Variants in PTPRT observed in about 807,000 individuals in gnomAD.
PTPRT encodes the protein receptor-type tyrosine-protein phosphatase T.
A neutral mutation model predicts 176.8 loss-of-function variants in PTPRT; 56 were observed. That is an observed-to-expected ratio of 0.32 (90% CI 0.26 to 0.40). The LOEUF (loss-of-function observed/expected upper bound fraction) is 0.40, where lower values mean the gene tolerates loss of function less well. Ranked by LOEUF, PTPRT falls within the 10% of genes least tolerant of loss-of-function variation. The pLI is 1.00. For missense variants in PTPRT, 1,540 were observed against 1,908.2 expected, an observed-to-expected ratio of 0.81 and a Z score of 3.60; for synonymous variants, 783 against 739.0, an observed-to-expected ratio of 1.06 and a Z score of -0.96.
chr20:43,026,219 G>A (rs1284339711), intron 1 of PTPRT, among the ~76,000 whole-genome samples: 2 of 152,128 alleles, frequency 1.3e-5, no homozygotes, highest in Non-Finnish European at 2.9e-5. Context: ...CCAGATTCAA[G>A]CAATTCTCCT....
intron 1 of PTPRT, among the ~76,000 whole-genome samples, chr20:42,950,161 C>T (rs897934310): frequency 2.0e-5 from 3 of 152,172 alleles, no homozygotes; most frequent in Admixed American, 2.0e-4. Context: ...AGAAGAAAGC[C>T]CCCTCCTCAG....
At chr20:42,943,072 C>G (rs1980668659) in intron 1 of PTPRT, among the ~76,000 whole-genome samples, 1 of 152,184 alleles carries the variant, frequency 6.6e-6, no homozygotes, top group Non-Finnish European at 1.5e-5. Flanking sequence ...TTTCACTCAT[C>G]CATTTATTTA....
intron 2 of PTPRT, among the ~76,000 whole-genome samples, chr20:42,877,101 T>G (rs2078945397): frequency 6.6e-6 from 1 of 151,866 alleles, no homozygotes; most frequent in Non-Finnish European, 1.5e-5. Flanking sequence ...TCTGGAATAT[T>G]GAGAAGCTCA....
chr20:42,644,770 C>G (rs1353098133), intron 7 of PTPRT, among the ~76,000 whole-genome samples: 1 of 152,112 alleles, frequency 6.6e-6, no homozygotes. Flanking sequence ...AGGTAAAGAC[C>G]TGGGATAATG....
chr20:42,675,438 C>T (rs1319661146), intron 7 of PTPRT, among the ~76,000 whole-genome samples: 1 of 152,240 alleles, frequency 6.6e-6, no homozygotes, highest in African/African-American at 2.4e-5. Flanking sequence ...TAATGTTGTG[C>T]ATGAACCAAG....
intron 7 of PTPRT, among the ~76,000 whole-genome samples, chr20:42,565,984 C>G (rs551865561): frequency 6.6e-6 from 1 of 152,236 alleles, no homozygotes; most frequent in African/African-American, 2.4e-5. Flanking sequence ...TTCCATCACA[C>G]AGGGCTGTAG....
chr20:42,465,092 A>C (rs914431756), intron 8 of PTPRT, among the ~76,000 whole-genome samples: 1 of 151,850 alleles, frequency 6.6e-6, no homozygotes, highest in Non-Finnish European at 1.5e-5. Flanking sequence ...AATCAATTAC[A>C]TTATATGTAA....
intron 11 of PTPRT, among the ~76,000 whole-genome samples, chr20:42,328,676 C>A (rs2057919826): frequency 6.6e-6 from 1 of 152,084 alleles, no homozygotes; most frequent in Admixed American, 6.5e-5. Flanking sequence ...ATACCTATTT[C>A]AAATCTACAA....
chr20:43,068,832 T>C (rs2011146449), intron 1 of PTPRT, among the ~76,000 whole-genome samples: 1 of 151,908 alleles, frequency 6.6e-6, no homozygotes, highest in South Asian at 2.1e-4. Flanking sequence ...AAGATAGCCA[T>C]GGAAAGGGTA....
chr20:42,434,841 T>C (rs1303390373), intron 9 of PTPRT, among the ~76,000 whole-genome samples: 1 of 151,532 alleles, frequency 6.6e-6, no homozygotes, highest in Non-Finnish European at 1.5e-5. Flanking sequence ...GGCATGTGCA[T>C]GTAATTCCAG....
chr20:42,931,667 TCACTAATACATG>T (rs1200709705), intron 1 of PTPRT, among the ~76,000 whole-genome samples: 1 of 152,146 alleles, frequency 6.6e-6, no homozygotes, highest in Non-Finnish European at 1.5e-5. Flanking sequence ...GAGCATACCA[TCACTAATACATG>T]CCGCTGCAAG....
intron 7 of PTPRT, among the ~76,000 whole-genome samples, chr20:42,482,201 G>A (rs2071400191): frequency 6.6e-6 from 1 of 152,122 alleles, no homozygotes; most frequent in Non-Finnish European, 1.5e-5. Context: ...AGATAAAGGA[G>A]GCAGCACATT....
At chr20:42,210,156 T>A (rs1372726674) in intron 15 of PTPRT, among the ~76,000 whole-genome samples, 2 of 152,208 alleles carry the variant, frequency 1.3e-5, no homozygotes, top group South Asian at 4.1e-4. Flanking sequence ...TTCAAAATAA[T>A]AAGAGCTATC....
rs76103310 is a variant in PTPRT at position 42,627,140 on chromosome 20, C to T, written c.1153+50726G>A. On this transcript the variant is annotated intron_variant, in intron 7 of 30. Coordinates refer to ENST00000373187, the MANE Select transcript of PTPRT (RefSeq NM_007050.6). ...AAGTGTGAGTTTCAGATTTTTGGTA[C>T]GATTTTATTTTCTTCATGCTTAAAG... is the stretch of plus-strand genomic sequence containing the variant. Among the ~76,000 whole-genome samples the T allele has an allele frequency of 6.8e-4, 104 of 151,938 alleles. No homozygotes were observed. The East Asian group carries it at 0.017, about 25-fold the overall frequency.
At chr20:42,801,162 T>C (rs1191431566) in intron 2 of PTPRT, among the ~76,000 whole-genome samples, 1 of 152,196 alleles carries the variant, frequency 6.6e-6, no homozygotes, top group East Asian at 1.9e-4. Flanking sequence ...GAGTGACTTA[T>C]TACCGTGTGT....
Position 43,189,841 on chromosome 20 carries a change from G to C in PTPRT, c.-108C>G, listed in dbSNP as rs1247081476. On this transcript the variant is annotated 5_prime_UTR_variant, in exon 1 of 31. Transcript: ENST00000373187. The surrounding 1 kb of genome is among the most constrained non-coding windows in gnomAD (Gnocchi z 5.0). The stretch of plus-strand genomic sequence containing the variant: ...CGGCGCGGCCGCTGGCTGTGCGCGC[G>C]GCTGGCTCCGCTCGGGCTCCCGGAG... The C allele has an allele frequency of 4.3e-6, 2 of 465,938 alleles. No homozygotes were observed. The highest frequency in any genetic ancestry group is 6.5e-5 in the Admixed American group (1 of 15,470). The allele number at this position is 465,938 out of a possible 1,614,324, so 28.9% of individuals were successfully genotyped here. A position where few individuals can be genotyped will look rare whatever the true frequency, so the allele number is the denominator to read the frequency against.
At chr20:42,864,797 A>G (rs1358783345) in intron 2 of PTPRT, among the ~76,000 whole-genome samples, 2 of 152,236 alleles carry the variant, frequency 1.3e-5, no homozygotes, top group African/African-American at 4.8e-5. Flanking sequence ...AATTCAGGCA[A>G]TAACCTTTCT....
Position 42,127,874 on chromosome 20 carries a change from A to C in PTPRT, c.2847+880T>G, listed in dbSNP as rs116861234. ...TTGGTTGTAGTTGTCTTAATTCCAGAATTTCTTCCCTCGGATCTGTCTTAT... is the reference window on the plus strand; with the variant it reads ...TTGGTTGTAGTTGTCTTAATTCCAGCATTTCTTCCCTCGGATCTGTCTTAT... On this transcript the variant is annotated intron_variant, in intron 19 of 30. Transcript: ENST00000373187. Among the ~76,000 whole-genome samples the C allele has an allele frequency of 4.7e-3, 713 of 152,324 alleles. 3 individuals are homozygous for C. The highest frequency in any genetic ancestry group is 8.6e-3 in the Non-Finnish European group (585 of 68,026).
At chr20:42,473,067 C>T (rs80242444) in intron 7 of PTPRT, among the ~76,000 whole-genome samples, 5,230 of 152,256 alleles carry the variant, frequency 0.034, 229 homozygotes, top group East Asian at 0.1. Context: ...CCTCAACCCG[C>T]AACACCCAGT....
Sources: allele counts gnomAD v4.1 joint callset (sites outside exome capture counted in the v4.1 genomes callset), GRCh38; gene constraint gnomAD v4.1.1; non-coding constraint Gnocchi (gnomAD v3.1); transcripts MANE v1.5; gene names NCBI Gene and HGNC (gene_info 2026-07-23, HGNC 2026-07-21).